The following SUMF1 variants were observed in gnomAD, a reference collection of about 807,000 sequenced individuals.
SUMF1 encodes the protein formylglycine-generating enzyme.
In SUMF1, 48 loss-of-function variants were observed where a neutral mutation model predicts 47.6. That is an observed-to-expected ratio of 1.01 (90% CI 0.80 to 1.28). The LOEUF is 1.28. Among genes scored for constraint, SUMF1 ranks in the 50% most tolerant of loss-of-function variants. The pLI is 0.00. For synonymous variants in SUMF1, 230 were observed against 192.1 expected, an observed-to-expected ratio of 1.20 and a Z score of -1.63; for missense variants, 571 against 485.4, an observed-to-expected ratio of 1.18 and a Z score of -1.66.
rs147883288 is a variant in SUMF1, at chr3:4,204,615, G to A, written c.1015-135870C>T. ...TCCTCTTTAAGGCCAGTAACTCTTAGATTTGCCCTTTTGAGGCTCTTTTCT... is the reference window on the plus strand; with the variant it reads ...TCCTCTTTAAGGCCAGTAACTCTTAAATTTGCCCTTTTGAGGCTCTTTTCT... On this transcript the variant is annotated intron_variant and NMD_transcript_variant, in intron 8 of 12. Transcript: ENST00000448413. 3.9e-3 allele frequency among the ~76,000 whole-genome samples: 601 copies of A among 152,168 alleles called. 4 individuals carry two copies. Among genetic ancestry groups the A allele is most frequent in the African/African-American group, 0.014 (575 of 41,540 alleles).
chr3:4,114,205 G>C (rs529777513), intron 8 of SUMF1, among the ~76,000 whole-genome samples: 1 of 152,208 alleles, frequency 6.6e-6, no homozygotes, highest in South Asian at 2.1e-4. Flanking sequence ...TGAATAAAGA[G>C]AAAATTACAA....
chr3:4,304,979 G>C (rs184649999), intron 8 of SUMF1, among the ~76,000 whole-genome samples: 3 of 151,328 alleles, frequency 2.0e-5, no homozygotes, highest in African/African-American at 7.3e-5. Flanking sequence ...TGGTGGGGGG[G>C]GCTTCCAGAC....
chr3:4,098,906 G>A (rs1266544994), intron 8 of SUMF1, among the ~76,000 whole-genome samples: 1 of 152,096 alleles, frequency 6.6e-6, no homozygotes, highest in Non-Finnish European at 1.5e-5. Flanking sequence ...CCAATAAAAT[G>A]TTAACATTCG....
intron 2 of SUMF1, among the ~76,000 whole-genome samples, chr3:4,452,339 T>C (rs1383027362): frequency 6.6e-6 from 1 of 152,194 alleles, no homozygotes; most frequent in Non-Finnish European, 1.5e-5. Context: ...CCAGATGATG[T>C]CTGGAACTGC....
intron 8 of SUMF1, among the ~76,000 whole-genome samples, chr3:4,305,374 C>G (rs1357623048): frequency 1.3e-5 from 2 of 152,204 alleles, no homozygotes; most frequent in Non-Finnish European, 2.9e-5. Flanking sequence ...ACGTGAGCCA[C>G]CGCACCCGGC....
intron 7 of SUMF1, among the ~76,000 whole-genome samples, chr3:4,396,615 C>T (rs886640643): frequency 3.9e-5 from 6 of 152,038 alleles, no homozygotes; most frequent in African/African-American, 1.4e-4. Flanking sequence ...GACACATGTC[C>T]AAATCCTTTT....
At chr3:4,277,711 G>A (rs578128900) in intron 8 of SUMF1, among the ~76,000 whole-genome samples, 1 of 152,062 alleles carries the variant, frequency 6.6e-6, no homozygotes, top group Non-Finnish European at 1.5e-5. Context: ...TTCTCAATCA[G>A]CATAATAATC....
downstream of SUMF1, among the ~76,000 whole-genome samples, chr3:4,359,158 C>A (rs1401968142): frequency 1.3e-5 from 2 of 152,194 alleles, no homozygotes; most frequent in African/African-American, 4.8e-5. Flanking sequence ...CTGGTCTGCT[C>A]GTATGTCACT....
intron 1 of SUMF1, among the ~76,000 whole-genome samples, chr3:4,456,634 A>G (rs1559311959): frequency 7.4e-6 from 1 of 134,392 alleles, no homozygotes; most frequent in Non-Finnish European, 1.6e-5. Flanking sequence ...ATATATATAT[A>G]CGTGTATATA....
At chr3:4,172,690 GTTGTT>G (rs1051114133) in intron 8 of SUMF1, among the ~76,000 whole-genome samples, 1 of 83,770 alleles carries the variant, frequency 1.2e-5, no homozygotes, top group African/African-American at 4.2e-5. Context: ...TTTTGATGGG[GTTGTT>G]TTTTTTGTTT....
At chr3:4,335,779 G>C (rs1232072650) in intron 8 of SUMF1, among the ~76,000 whole-genome samples, 2 of 151,834 alleles carry the variant, frequency 1.3e-5, no homozygotes, top group Non-Finnish European at 2.9e-5. Flanking sequence ...AGTCAATATG[G>C]TGAAACCCCA....
intron 8 of SUMF1, among the ~76,000 whole-genome samples, chr3:4,206,219 G>T (rs1695649844): frequency 1.3e-5 from 2 of 151,608 alleles, no homozygotes; most frequent in Admixed American, 6.6e-5. Flanking sequence ...TGTGTTGACT[G>T]GCCTTGGGGA....
At chr3:4,385,559 T>C (rs1322660479) in intron 7 of SUMF1, among the ~76,000 whole-genome samples, 7 of 152,194 alleles carry the variant, frequency 4.6e-5, no homozygotes, top group Non-Finnish European at 1.0e-4. Flanking sequence ...GCGAATATTT[T>C]CTCCCACTCT....
chr3:4,212,303 C>A (rs1459508832), intron 8 of SUMF1, among the ~76,000 whole-genome samples: 6 of 152,072 alleles, frequency 3.9e-5, no homozygotes, highest in Non-Finnish European at 7.4e-5. Flanking sequence ...CGGGAGTGGA[C>A]CTCCAGCAAA....
intron 8 of SUMF1, among the ~76,000 whole-genome samples, chr3:4,160,866 T>C (rs1367159589): frequency 3.3e-5 from 5 of 152,134 alleles, no homozygotes; most frequent in Non-Finnish European, 7.4e-5. Flanking sequence ...TTTTCCTACA[T>C]GGCCTTGATG....
intron 8 of SUMF1, among the ~76,000 whole-genome samples, chr3:4,206,171 T>G (rs1695648896): frequency 6.6e-6 from 1 of 151,372 alleles, no homozygotes; most frequent in Non-Finnish European, 1.5e-5. Flanking sequence ...CACCTCTCCT[T>G]TCCTCAAGCA....
intron 9 of SUMF1, among the ~76,000 whole-genome samples, chr3:4,052,541 A>C (rs1695129494): frequency 6.6e-6 from 1 of 152,096 alleles, no homozygotes; most frequent in Admixed American, 6.6e-5. Flanking sequence ...CTAACAACAA[A>C]CAGCTACTGG....
chr3:4,390,330 C>G (rs1157444241), intron 7 of SUMF1, among the ~76,000 whole-genome samples: 3 of 152,174 alleles, frequency 2.0e-5, no homozygotes, highest in Admixed American at 1.3e-4. Context: ...TAGGCCTTCT[C>G]TGGCACCTAA....
intron 8 of SUMF1, among the ~76,000 whole-genome samples, chr3:4,351,567 C>T (rs1699502489): frequency 6.6e-6 from 1 of 152,098 alleles, no homozygotes; most frequent in African/African-American, 2.4e-5. Flanking sequence ...GATAATGCAC[C>T]TTTTGATCAT....
Sources: allele counts gnomAD v4.1 joint callset (sites outside exome capture counted in the v4.1 genomes callset), GRCh38; gene constraint gnomAD v4.1.1; transcripts MANE v1.5; gene names NCBI Gene and HGNC (gene_info 2026-07-23, HGNC 2026-07-21).